Variants in MICAL3 observed in about 807,000 individuals in gnomAD.
MICAL3 encodes [F-actin]-monooxygenase MICAL3.
A neutral mutation model predicts 207.4 loss-of-function variants in MICAL3; 62 were observed. That is an observed-to-expected ratio of 0.30 (90% CI 0.24 to 0.37). The LOEUF (loss-of-function observed/expected upper bound fraction) is 0.37, where lower values mean the gene tolerates loss of function less well. MICAL3 is among the 10% of genes least tolerant of loss of function. The pLI is 1.00. For missense variants in MICAL3, 2,368 were observed against 2,635.6 expected, an observed-to-expected ratio of 0.90 and a Z score of 2.22; for synonymous variants, 1,077 against 1,069.3, an observed-to-expected ratio of 1.01 and a Z score of -0.14.
chr22:17,808,975 A>C, intron 28 of MICAL3, 38 bp from the exon 29 acceptor site: 1 of 1,516,204 alleles, frequency 6.6e-7, no homozygotes, highest in Non-Finnish European at 8.9e-7. Flanking sequence ...CCGGCTCTCC[A>C]GCCCTGCTTC....
intron 19 of MICAL3, among the ~76,000 whole-genome samples, chr22:17,848,847 C>T (rs1221402068): frequency 6.6e-6 from 1 of 152,252 alleles, no homozygotes; most frequent in Admixed American, 6.5e-5. Context: ...CTTTTCTCCT[C>T]TGCTGCCCCA....
At chr22:17,901,355 G>GT (rs1931301528) in intron 5 of MICAL3, among the ~76,000 whole-genome samples, 1 of 152,146 alleles carries the variant, frequency 6.6e-6, no homozygotes, top group Admixed American at 6.5e-5. Flanking sequence ...TGGTCTCCTA[G>GT]TGCCTCAGCA....
At chr22:17,827,352 A>G (rs1205093561) in intron 22 of MICAL3, among the ~76,000 whole-genome samples, 1 of 152,252 alleles carries the variant, frequency 6.6e-6, no homozygotes, top group East Asian at 1.9e-4. Flanking sequence ...AGCGGTGACC[A>G]GAAACATGAG....
chr22:17,889,101 A>G lies in MICAL3; in HGVS notation c.1824T>C (p.Asp608=). Residue 608 remains aspartate (D), a synonymous_variant, in exon 13 of 32, where the codon GAT becomes GAC. Transcript: ENST00000441493. Reference sequence around the variant, plus strand: ...TCAGGTACATCACCATGGACAGCTTATCAGGCTCCCCCACGGAGGCCATTT... The same window carrying G: ...TCAGGTACATCACCATGGACAGCTTGTCAGGCTCCCCCACGGAGGCCATTT... ...GKEMASVGEP[D]KLSMVMYLTQ... 1 of 1,613,838 alleles carries G rather than the reference A, an allele frequency of 6.2e-7. No individual in the cohort carries two copies. The highest frequency in any genetic ancestry group is 1.1e-5 in the South Asian group (1 of 91,064).
At chr22:17,896,187 T>A in intron 9 of MICAL3, 59 bp downstream of exon 9, 1 of 941,520 alleles carries the variant, frequency 1.1e-6, no homozygotes, top group South Asian at 1.4e-5. Flanking sequence ...GCCTGAAGAG[T>A]AAACCACTCC....
At position 17,823,228 on chromosome 22, in the gene MICAL3, T is replaced by TG. The variant is rs931860218; in HGVS notation, c.3194-169dup. On this transcript the variant is annotated intron_variant, in intron 22 of 31. Coordinates refer to ENST00000441493, the MANE Select transcript of MICAL3 (RefSeq NM_015241.3). ...GGCTCTCCACACGTAGCATGGGTGC[T>TG]GGGGGGGGCCCGGGGCCCCCAAACA... is the stretch of plus-strand genomic sequence containing the variant. Among the ~76,000 whole-genome samples the TG allele has an allele frequency of 3.9e-3, 586 of 151,886 alleles. 3 individuals are homozygous for TG. Among genetic ancestry groups the TG allele is most frequent in the African/African-American group, 6.1e-3 (254 of 41,450 alleles).
At chr22:17,852,452 G>A (rs1925432788) in intron 19 of MICAL3, among the ~76,000 whole-genome samples, 1 of 152,178 alleles carries the variant, frequency 6.6e-6, no homozygotes, top group Non-Finnish European at 1.5e-5. Context: ...TCTCGGAATG[G>A]AGAGGCTCTA....
chr22:17,946,936 G>A (rs751948172), intron 1 of MICAL3, among the ~76,000 whole-genome samples: 1 of 152,166 alleles, frequency 6.6e-6, no homozygotes, highest in Non-Finnish European at 1.5e-5. Flanking sequence ...CTTCCAAGCC[G>A]GAAGATGGGT....
intron 19 of MICAL3, among the ~76,000 whole-genome samples, chr22:17,845,475 G>A (rs1924533690): frequency 6.6e-6 from 1 of 152,176 alleles, no homozygotes; most frequent in South Asian, 2.1e-4. Context: ...GACGTGTCAA[G>A]TACCATGAGC....
At chr22:18,006,698 T>A (rs1923407620) in intron 1 of MICAL3, 1 of 152,070 alleles carries the variant, frequency 6.6e-6, no homozygotes, top group African/African-American at 2.4e-5. Context: ...CCAGGCGTGG[T>A]GGTGTATGCC....
chr22:17,967,150 A>G (rs575469072), intron 1 of MICAL3, among the ~76,000 whole-genome samples: 1 of 152,268 alleles, frequency 6.6e-6, no homozygotes, highest in Non-Finnish European at 1.5e-5. Context: ...CACAGATGCA[A>G]ATGAACAGGA....
rs11089212 is a variant in MICAL3, at chr22:17,977,907, A to T, written c.-75+46374T>A. Among the ~76,000 whole-genome samples the T allele has an allele frequency of 7.3e-3, 1,116 of 152,158 alleles. 14 individuals carry two copies. Among genetic ancestry groups the T allele is most frequent in the African/African-American group, 0.026 (1,070 of 41,486 alleles). On this transcript the variant is annotated intron_variant, in intron 1 of 31. Transcript: ENST00000441493. ...CATGGTGGTGCATGCCTGTAACCCC[A>T]GCTACTCGGGAGGCTGAGGCAGGAG...
intron 1 of MICAL3, among the ~76,000 whole-genome samples, chr22:18,016,813 G>A (rs1036028312): frequency 3.3e-5 from 5 of 152,006 alleles, no homozygotes; most frequent in Admixed American, 6.6e-5. Context: ...GGTGGTGGGC[G>A]CCTGTAGACC....
At chr22:17,973,288 G>A (rs1012120091) in intron 1 of MICAL3, among the ~76,000 whole-genome samples, 1 of 152,218 alleles carries the variant, frequency 6.6e-6, no homozygotes, top group Non-Finnish European at 1.5e-5. Context: ...GGGAGGGAAT[G>A]TTGTAGTTCA....
At chr22:18,016,931 C>A (rs535737838) in intron 1 of MICAL3, among the ~76,000 whole-genome samples, 2 of 146,748 alleles carry the variant, frequency 1.4e-5, no homozygotes, top group African/African-American at 4.9e-5. Context: ...CAGAGCCAGA[C>A]TCTGTCTCAA....
chr22:17,836,302 C>T (rs1238896181), intron 20 of MICAL3, among the ~76,000 whole-genome samples: 1 of 152,228 alleles, frequency 6.6e-6, no homozygotes, highest in Non-Finnish European at 1.5e-5. Flanking sequence ...AAGTGCTTCC[C>T]ATGGGTAGCT....
chr22:17,832,892 G>A (rs1922956958), intron 20 of MICAL3, among the ~76,000 whole-genome samples: 1 of 152,176 alleles, frequency 6.6e-6, no homozygotes, highest in Non-Finnish European at 1.5e-5. Flanking sequence ...GGGACACACA[G>A]GGAAATGACG....
chr22:17,926,050 T>C (rs1932918125), intron 1 of MICAL3, among the ~76,000 whole-genome samples: 1 of 152,240 alleles, frequency 6.6e-6, no homozygotes, highest in Non-Finnish European at 1.5e-5. Flanking sequence ...CATGGGACTG[T>C]AAGGTCTTAC....
rs1445889213 is a variant in MICAL3 at position 17,926,744 on chromosome 22, T to C, written c.-74-19858A>G. On this transcript the variant is annotated intron_variant, in intron 1 of 31. Transcript: ENST00000441493. ...GCAGGCAACTGTACCATGCTAAGCA[T>C]GGTGGGGAGGCAGCACAGTGCAGGG... is the stretch of plus-strand genomic sequence containing the variant. Among the ~76,000 whole-genome samples, 8 of 152,312 alleles carry C rather than the reference T, an allele frequency of 5.3e-5. 1 individual carries two copies. The Middle Eastern group carries it at 0.01, about 194-fold the overall frequency.
Sources: gnomAD v4.1 joint callset for allele counts (sites outside exome capture counted in the v4.1 genomes callset) on GRCh38, gnomAD v4.1.1 for gene constraint, MANE v1.5 for transcripts, NCBI Gene and HGNC (gene_info 2026-07-23, HGNC 2026-07-21) for gene names.